Variants in LOXL2 observed in about 807,000 individuals in gnomAD.
LOXL2 encodes the protein lysyl oxidase like 2, also known as lysyl oxidase homolog 2.
Under a neutral mutation model 93.0 loss-of-function variants are expected in LOXL2, and 70 were observed. That is an observed-to-expected ratio of 0.75 (90% CI 0.62 to 0.92). The LOEUF is 0.92. LOXL2 is among the 40% of genes least tolerant of loss of function. LOXL2 has a pLI of 0.00. For synonymous variants in LOXL2, 438 were observed against 413.2 expected, an observed-to-expected ratio of 1.06 and a Z score of -0.73; for missense variants, 973 against 1,054.9, an observed-to-expected ratio of 0.92 and a Z score of 1.08.
chr8:23,320,032 GCGGC>G lies in LOXL2; in HGVS notation c.1319_1322del (p.Gly440AlafsTer66). 6.2e-7 allele frequency: 1 copy of G among 1,613,980 alleles called. No homozygotes were observed. The highest frequency in any genetic ancestry group is 8.5e-7 in the Non-Finnish European group (1 of 1,179,932). The stretch of plus-strand genomic sequence containing the variant: ...CCTCCACTCGGCCCTCGTAGGGATT[GCGGC>G]CGCCGTTCAGGCGCAGCTGCAGACA... On this transcript the variant is annotated frameshift_variant, in exon 8 of 14. Coordinates refer to ENST00000389131, the MANE Select transcript of LOXL2 (RefSeq NM_002318.3). LOFTEE classifies it high-confidence loss of function.
chr8:23,318,940 T>C (rs1803449666), intron 8 of LOXL2, among the ~76,000 whole-genome samples: 1 of 152,186 alleles, frequency 6.6e-6, no homozygotes. Flanking sequence ...ACCCAGCCCA[T>C]GGGAGACAGT....
At chr8:23,323,340 G>A (rs1350325952) in intron 6 of LOXL2, among the ~76,000 whole-genome samples, 1 of 152,134 alleles carries the variant, frequency 6.6e-6, no homozygotes, top group African/African-American at 2.4e-5. Context: ...GTTCTGTCTG[G>A]GAAACAGCTG....
chr8:23,385,675 T>G (rs909952726), intron 1 of LOXL2: 4 of 492,850 alleles, frequency 8.1e-6, no homozygotes, highest in African/African-American at 7.7e-5. Context: ...AGGTATTTCA[T>G]CCTCTCGTCT....
chr8:23,332,906 AC>A (rs964691929), intron 5 of LOXL2, among the ~76,000 whole-genome samples: 17 of 129,520 alleles, frequency 1.3e-4, no homozygotes, highest in Admixed American at 1.2e-3. Flanking sequence ...ATACACATAC[AC>A]CCCCCCCACA....
intron 9 of LOXL2, among the ~76,000 whole-genome samples, chr8:23,314,678 G>C (rs892690767): frequency 7.3e-5 from 11 of 151,716 alleles, no homozygotes; most frequent in African/African-American, 2.2e-4. Context: ...AGCACTGGGA[G>C]ATATACCTAA....
chr8:23,383,786 G>A (rs1424144856), intron 1 of LOXL2, among the ~76,000 whole-genome samples: 3 of 149,162 alleles, frequency 2.0e-5, no homozygotes, highest in African/African-American at 2.5e-5. Flanking sequence ...TCAGCCTCCC[G>A]AGTAGCTGGG....
intron 3 of LOXL2, among the ~76,000 whole-genome samples, chr8:23,342,668 T>A (rs1803902500): frequency 6.6e-6 from 1 of 152,194 alleles, no homozygotes; most frequent in Non-Finnish European, 1.5e-5. Flanking sequence ...CCTGACCTCA[T>A]GATCAGCCCG....
At chr8:23,386,112 C>G in intron 1 of LOXL2, 1 of 752,196 alleles carries the variant, frequency 1.3e-6, no homozygotes, top group Non-Finnish European at 2.4e-6. Context: ...AAAAAGTGAT[C>G]AAGCTGGAAT....
intron 7 of LOXL2, chr8:23,321,879 A>G (rs1585349299): frequency 4.3e-6 from 2 of 468,878 alleles, no homozygotes; most frequent in Non-Finnish European, 7.6e-6. Context: ...GAGGTAACTC[A>G]CCTCAGATGT....
At chr8:23,323,426 C>A (rs1803528962) in intron 6 of LOXL2, among the ~76,000 whole-genome samples, 1 of 152,220 alleles carries the variant, frequency 6.6e-6, no homozygotes, top group Non-Finnish European at 1.5e-5. Context: ...CTGCACTGTC[C>A]TCTTTCTGCC....
At position 23,328,530 on chromosome 8, in the gene LOXL2, G is replaced by T; in HGVS notation, c.1002C>A (p.Ile334=). ...TGAGCACCTCCACGCGGCCCTCCCCGATGTAGGCACCGCCTCTCAGTCGCA... is the reference window on the plus strand; with the variant it reads ...TGAGCACCTCCACGCGGCCCTCCCCTATGTAGGCACCGCCTCTCAGTCGCA... ...PLVRLRGGAY[I]GEGRVEVLKN... The change falls in exon 6 of 14, where the codon ATC becomes ATA. Residue 334 remains isoleucine, a synonymous_variant. Coordinates refer to ENST00000389131, the MANE Select transcript of LOXL2 (RefSeq NM_002318.3). 1 of 1,613,974 alleles carries T rather than the reference G, an allele frequency of 6.2e-7. No individual in the cohort carries two copies. Among genetic ancestry groups the T allele is most frequent in the Non-Finnish European group, 8.5e-7 (1 of 1,180,016 alleles).
intron 3 of LOXL2, among the ~76,000 whole-genome samples, chr8:23,354,929 T>C (rs907774139): frequency 9.9e-6 from 1 of 101,484 alleles, no homozygotes; most frequent in Non-Finnish European, 1.9e-5. Flanking sequence ...CTCTGGGAGT[T>C]GGAATATATA....
Position 23,303,351 on chromosome 8 carries a change from G to T in LOXL2, c.1927C>A (p.Leu643Ile), listed in dbSNP as rs759523540. Residue 643 changes from leucine (L) to isoleucine (I), a missense_variant, in exon 11 of 14, where the codon CTC (leucine) becomes ATC (isoleucine). Coordinates refer to ENST00000389131, the MANE Select transcript of LOXL2 (RefSeq NM_002318.3). ...EVFTHYDLLN[L>I]NGTKVAEGHK... is the part of the protein sequence containing the mutation. ...CCCTCTGCCACCTTGGTGCCATTGAGGTTCAGCAGGTCATAGTGGGTGAAC... is the reference window on the plus strand; with the variant it reads ...CCCTCTGCCACCTTGGTGCCATTGATGTTCAGCAGGTCATAGTGGGTGAAC... The T allele has an allele frequency of 6.2e-7, 1 of 1,613,688 alleles. No homozygotes were observed. Among genetic ancestry groups the T allele is most frequent in the South Asian group, 1.1e-5 (1 of 91,070 alleles).
chr8:23,383,645 CG>C (rs1188343065), intron 1 of LOXL2, among the ~76,000 whole-genome samples: 5 of 119,770 alleles, frequency 4.2e-5, no homozygotes, highest in African/African-American at 1.7e-4. Flanking sequence ...GGCACTTTTA[CG>C]TTTTTTTTTT....
chr8:23,385,908 C>G (rs371725285), intron 1 of LOXL2: 4 of 764,620 alleles, frequency 5.2e-6, no homozygotes, highest in Non-Finnish European at 9.6e-6. Flanking sequence ...CCAGCACGTA[C>G]TTTGCGTTTG....
At chr8:23,338,492 G>C (rs974981185) in intron 4 of LOXL2, among the ~76,000 whole-genome samples, 57 of 152,350 alleles carry the variant, frequency 3.7e-4, no homozygotes, top group African/African-American at 1.3e-3. Flanking sequence ...TCCTTCACGG[G>C]CCTTGGTGGA....
chr8:23,311,021 T>C (rs11996512), intron 9 of LOXL2, among the ~76,000 whole-genome samples: 4,206 of 152,324 alleles, frequency 0.028, 194 homozygotes, highest in African/African-American at 0.096. Context: ...ATCTTTTATT[T>C]TGACAAGTTG....
At chr8:23,386,767 T>C (rs1245888265) in intron 1 of LOXL2, among the ~76,000 whole-genome samples, 1 of 152,146 alleles carries the variant, frequency 6.6e-6, no homozygotes, top group East Asian at 1.9e-4. Flanking sequence ...TCCTCTACGC[T>C]GAATGCAAGC....
In LOXL2 at chr8:23,310,360, C is replaced by T. The variant is rs150826461; in HGVS notation, c.1637-449G>A. 1.9e-3 allele frequency among the ~76,000 whole-genome samples: 293 copies of T among 152,346 alleles called. 3 individuals carry two copies. In the South Asian group the frequency reaches 0.022, roughly 11 times the overall value. ...CAGAGAGAAAGAACACCTCTAATACCTTGGTCTGCTGCTTCTGGGAATGAT... is the reference window on the plus strand; with the variant it reads ...CAGAGAGAAAGAACACCTCTAATACTTTGGTCTGCTGCTTCTGGGAATGAT... On this transcript the variant is annotated intron_variant, in intron 9 of 13. Coordinates refer to ENST00000389131, the MANE Select transcript of LOXL2 (RefSeq NM_002318.3).
Sources: allele counts gnomAD v4.1 joint callset (sites outside exome capture counted in the v4.1 genomes callset), GRCh38; gene constraint gnomAD v4.1.1; transcripts MANE v1.5; gene names NCBI Gene and HGNC (gene_info 2026-07-23, HGNC 2026-07-21).